KLHDC10: variants seen among roughly 807,000 people sequenced by gnomAD.
The protein encoded by KLHDC10 is kelch domain-containing protein 10.
In KLHDC10, 24 loss-of-function variants were observed where a neutral mutation model predicts 56.1. The observed-to-expected ratio is 0.43, with a 90% CI of 0.31 to 0.60. KLHDC10 has a LOEUF of 0.60. KLHDC10 is among the 20% of genes least tolerant of loss of function. The pLI is 0.11. For synonymous variants in KLHDC10, 188 were observed against 207.1 expected (o/e 0.91, Z 0.79); for missense variants, 349 against 567.0 (o/e 0.62, Z 3.91).
chr7:130,085,382 A>G lies in KLHDC10; in HGVS notation c.167-11539A>G, dbSNP rs183957065. 1.8e-3 allele frequency among the ~76,000 whole-genome samples: 278 copies of G among 151,974 alleles called. 1 individual carries two copies. Among genetic ancestry groups the G allele is most frequent in the South Asian group, 0.012 (58 of 4,818 alleles). ...TTTTAAAAATTGGGCAGAAGACTAT[A>G]TAACTCTTGAAAGTGAGAAGGAAAG... On this transcript the variant is annotated intron_variant, in intron 1 of 9. Transcript: ENST00000335420.
At position 130,131,832 on chromosome 7, in the gene KLHDC10, G is replaced by C. The variant is rs1327313227; in HGVS notation, c.*1086G>C. Reference sequence around the variant, plus strand: ...GGCCAGGTACCTGCCATTTTCTCAGGCAGTTGGTCCTTGATTTTTCCCTTA... The same window carrying C: ...GGCCAGGTACCTGCCATTTTCTCAGCCAGTTGGTCCTTGATTTTTCCCTTA... On this transcript the variant is annotated 3_prime_UTR_variant, in exon 10 of 10. Transcript: ENST00000335420. 1 of 152,064 alleles carries C rather than the reference G, an allele frequency of 6.6e-6. No homozygotes were observed. Among genetic ancestry groups the C allele is most frequent in the Non-Finnish European group, 1.5e-5 (1 of 68,040 alleles). 9.4% of individuals were successfully genotyped at this position (152,064 alleles called of 1,614,324 possible). A position where few individuals can be genotyped will look rare whatever the true frequency, so the allele number is the denominator to read the frequency against.
At chr7:130,114,693 G>T (rs191585656) in intron 2 of KLHDC10, among the ~76,000 whole-genome samples, 2 of 152,198 alleles carry the variant, frequency 1.3e-5, no homozygotes, top group Admixed American at 6.5e-5. Context: ...CATAGTTAAG[G>T]TGTGATCTTA....
At chr7:130,124,823 A>G (rs1198179233) in intron 6 of KLHDC10, among the ~76,000 whole-genome samples, 1 of 152,234 alleles carries the variant, frequency 6.6e-6, no homozygotes, top group African/African-American at 2.4e-5. Context: ...TGAATGGAGC[A>G]ACTAATTAGA....
chr7:130,103,173 C>T (rs111374820), intron 2 of KLHDC10, among the ~76,000 whole-genome samples: 6,160 of 152,100 alleles, frequency 0.04, 170 homozygotes, highest in Middle Eastern at 0.11. Flanking sequence ...CACCTGTAAT[C>T]CCAGCACTTT....
At position 130,134,046 on chromosome 7, in the gene KLHDC10, G is replaced by C. The variant is rs1025552397; in HGVS notation, c.*3300G>C. The C allele has an allele frequency of 1.3e-5, 2 of 152,152 alleles. No homozygotes were observed. The highest frequency in any genetic ancestry group is 1.3e-4 in the Admixed American group (2 of 15,288). The allele number at this position is 152,152 out of a possible 1,614,324, so 9.4% of individuals were successfully genotyped here. A position where few individuals can be genotyped will look rare whatever the true frequency, so the allele number is the denominator to read the frequency against. On this transcript the variant is annotated 3_prime_UTR_variant, in exon 10 of 10. Coordinates refer to ENST00000335420, the MANE Select transcript of KLHDC10 (RefSeq NM_014997.4). ...ATTAACATTTTTAAGCAAAAGATAC[G>C]TTAACAGTGACCTTTGGTTATCCAC...
At chr7:130,126,459 T>A (rs1215309197) in intron 7 of KLHDC10, among the ~76,000 whole-genome samples, 3 of 151,438 alleles carry the variant, frequency 2.0e-5, no homozygotes, top group African/African-American at 4.9e-5. Context: ...GTGGATCCTT[T>A]GAGGTCAGGA....
intron 2 of KLHDC10, among the ~76,000 whole-genome samples, chr7:130,108,544 C>A: frequency 8.1e-6 from 1 of 123,290 alleles, no homozygotes; most frequent in East Asian, 2.5e-4. Flanking sequence ...AACGCCGTCT[C>A]TACCAAATAT....
At chr7:130,082,331 C>G (rs984546608) in intron 1 of KLHDC10, among the ~76,000 whole-genome samples, 2 of 152,034 alleles carry the variant, frequency 1.3e-5, no homozygotes, top group Non-Finnish European at 2.9e-5. Flanking sequence ...CTCAAAAAAA[C>G]CCCCAAAATT....
At chr7:130,080,123 G>A (rs1424481408) in intron 1 of KLHDC10, among the ~76,000 whole-genome samples, 3 of 151,904 alleles carry the variant, frequency 2.0e-5, no homozygotes, top group African/African-American at 7.3e-5. Context: ...TAATTTTTTT[G>A]TAGAGATAAG....
rs540241096 is a variant in KLHDC10, at chr7:130,129,672, A to G, written c.1119+96A>G. The G allele has an allele frequency of 6.0e-5, 65 of 1,089,694 alleles. No individual in the cohort carries two copies. The East Asian group carries it at 6.1e-4, about 10-fold the overall frequency. 67.5% of individuals were successfully genotyped at this position (1,089,694 alleles called of 1,614,324 possible). A position where few individuals can be genotyped will look rare whatever the true frequency, so the allele number is the denominator to read the frequency against. ...AAGAAAAAAAGCCAGATATAGGCAAACCTTAGATGATTAATAACATATTTT... is the reference window on the plus strand; with the variant it reads ...AAGAAAAAAAGCCAGATATAGGCAAGCCTTAGATGATTAATAACATATTTT... On this transcript the variant is annotated intron_variant, in intron 9 of 9. Transcript: ENST00000335420.
intron 1 of KLHDC10, among the ~76,000 whole-genome samples, chr7:130,088,553 G>A (rs1225721534): frequency 6.6e-6 from 1 of 151,770 alleles, no homozygotes; most frequent in African/African-American, 2.4e-5. Flanking sequence ...TGGGATTACA[G>A]GCCTGAGCCA....
chr7:130,109,574 A>G (rs1035031557), intron 2 of KLHDC10, among the ~76,000 whole-genome samples: 1 of 152,180 alleles, frequency 6.6e-6, no homozygotes, highest in Non-Finnish European at 1.5e-5. Context: ...TAATACTACT[A>G]TATAAGTTAC....
chr7:130,118,470 G>A (rs1796200991), intron 3 of KLHDC10, among the ~76,000 whole-genome samples: 1 of 152,208 alleles, frequency 6.6e-6, no homozygotes, highest in Admixed American at 6.5e-5. Context: ...CTTCTGTCCA[G>A]ACCACTTAAA....
At chr7:130,077,372 A>AC (rs1256930928) in intron 1 of KLHDC10, among the ~76,000 whole-genome samples, 20 of 145,388 alleles carry the variant, frequency 1.4e-4, no homozygotes, top group Admixed American at 4.8e-4. Flanking sequence ...AAAAAAAAAA[A>AC]AAAAAAAAAA....
In KLHDC10 at chr7:130,116,500, C is replaced by T; in HGVS notation, c.309C>T (p.Asn103=). The T allele has an allele frequency of 6.2e-7, 1 of 1,614,160 alleles. No individual in the cohort carries two copies. Among genetic ancestry groups the T allele is most frequent in the Non-Finnish European group, 8.5e-7 (1 of 1,180,026 alleles). ...ATCGTTGTGTGGCAGATAATACCAA[C>T]CTATATGTGTTTGGAGGTTATAACC... ...SGHRCVADNT[N]LYVFGGYNPD... Residue 103 remains asparagine (N), a synonymous_variant, in exon 3 of 10, where the codon AAC becomes AAT. Transcript: ENST00000335420. This position sits in a 1 kb window ranked among gnomAD's most constrained non-coding sequence, Gnocchi z 4.8.
In KLHDC10 at chr7:130,132,092, CAT is replaced by C. The variant is rs1796409144; in HGVS notation, c.*1348_*1349del. ...TTTTTTTTAATTCTAAAAAGAATGA[CAT>C]AAATTTTCACTCGCTTTGCCATCTG... On this transcript the variant is annotated 3_prime_UTR_variant, in exon 10 of 10. Coordinates refer to ENST00000335420, the MANE Select transcript of KLHDC10 (RefSeq NM_014997.4). The C allele has an allele frequency of 6.6e-6, 1 of 151,762 alleles. No individual in the cohort carries two copies. Among genetic ancestry groups the C allele is most frequent in the African/African-American group, 2.4e-5 (1 of 41,298 alleles). The allele number at this position is 151,762 out of a possible 1,614,324, so 9.4% of individuals were successfully genotyped here.
chr7:130,129,560 G>C lies in KLHDC10; in HGVS notation c.1103G>C (p.Cys368Ser). The change falls in exon 9 of 10, where the codon TGT (cysteine) becomes TCT (serine). Residue 368 changes from cysteine (C) to serine (S), a missense_variant. Physicochemically the swap from Cys to Ser is moderately radical, Grantham distance 112. Coordinates refer to ENST00000335420, the MANE Select transcript of KLHDC10 (RefSeq NM_014997.4). ...ATGCCAGAGCCAGTTTATTTTCACTGTGCAGCTGTTACACCAGTAAGTTTT... is the reference window on the plus strand; with the variant it reads ...ATGCCAGAGCCAGTTTATTTTCACTCTGCAGCTGTTACACCAGTAAGTTTT... ...ATMPEPVYFH[C>S]AAVTPAGCMY... The C allele has an allele frequency of 6.2e-7, 1 of 1,613,920 alleles. No individual in the cohort carries two copies. Among genetic ancestry groups the C allele is most frequent in the Non-Finnish European group, 8.5e-7 (1 of 1,179,948 alleles).
At chr7:130,115,873 G>A (rs1469418861) in intron 2 of KLHDC10, among the ~76,000 whole-genome samples, 3 of 151,922 alleles carry the variant, frequency 2.0e-5, no homozygotes, top group Admixed American at 1.3e-4. Context: ...CATAATATCC[G>A]GGATGTTATT....
chr7:130,120,704 G>T lies in KLHDC10; in HGVS notation c.476-45G>T, dbSNP rs766290769. 2 of 1,606,088 alleles carry T rather than the reference G, an allele frequency of 1.2e-6. No homozygotes were observed. The highest frequency in any genetic ancestry group is 3.4e-5 in the Admixed American group (2 of 59,592). On this transcript the variant is annotated intron_variant, in intron 3 of 9. Transcript: ENST00000335420. The surrounding 1 kb of genome is among the most constrained non-coding windows in gnomAD (Gnocchi z 5.1). ...TTCTGGGTTTATGTGGGAACAAATT[G>T]CAGGTAGCCATTTGTGAACAGAACT...
Sources: allele counts gnomAD v4.1 joint callset (sites outside exome capture counted in the v4.1 genomes callset), GRCh38; gene constraint gnomAD v4.1.1; non-coding constraint Gnocchi (gnomAD v3.1); transcripts MANE v1.5; gene names NCBI Gene and HGNC (gene_info 2026-07-23, HGNC 2026-07-21).